DOCK7: variants seen among roughly 807,000 people sequenced by gnomAD.
The protein encoded by DOCK7 is dedicator of cytokinesis 7.
In DOCK7, 138 loss-of-function variants were observed where a neutral mutation model predicts 271.0. The ratio of observed to expected loss-of-function variants is 0.51; its 90% CI spans 0.44 to 0.59. The LOEUF is 0.59. DOCK7 is among the 20% of genes least tolerant of loss of function. DOCK7 has a pLI of 0.00. For missense variants in DOCK7, 2,066 were observed against 2,592.4 expected, an observed-to-expected ratio of 0.80 and a Z score of 4.41; for synonymous variants, 823 against 876.1, an observed-to-expected ratio of 0.94 and a Z score of 1.07.
intron 14 of DOCK7, among the ~76,000 whole-genome samples, chr1:62,612,813 C>T (rs1476067918): frequency 6.6e-6 from 1 of 152,108 alleles, no homozygotes; most frequent in East Asian, 1.9e-4. Context: ...TAGTAACGCA[C>T]CATGTTTGCT....
At chr1:62,488,905 A>C in intron 42 of DOCK7, 29 bp downstream of exon 42, 1 of 1,613,028 alleles carries the variant, frequency 6.2e-7, no homozygotes, top group South Asian at 1.1e-5. Flanking sequence ...TTTTCCCTTT[A>C]TAGTGAAGCT....
At chr1:62,528,392 AAC>A in intron 30 of DOCK7, 87 bp from the exon 31 acceptor site, 2 of 1,275,520 alleles carry the variant, frequency 1.6e-6, no homozygotes, top group Non-Finnish European at 2.1e-6. Flanking sequence ...TTAAAAGAAT[AAC>A]TTGTTGACAT....
chr1:62,520,326 G>A (rs191912597), intron 31 of DOCK7, among the ~76,000 whole-genome samples: 92 of 152,238 alleles, frequency 6.0e-4, no homozygotes, highest in African/African-American at 2.1e-3. Flanking sequence ...CCTATAGAAT[G>A]GGAGAAAAAT....
intron 7 of DOCK7, chr1:62,641,301 G>A: frequency 2.4e-6 from 1 of 415,874 alleles, no homozygotes; most frequent in Non-Finnish European, 4.7e-6. Flanking sequence ...CCAACACCAT[G>A]AGCCAGGAGC....
intron 18 of DOCK7, among the ~76,000 whole-genome samples, chr1:62,568,838 C>T (rs878979562): frequency 6.7e-6 from 1 of 150,054 alleles, no homozygotes; most frequent in African/African-American, 2.5e-5. Flanking sequence ...ATAAAATAGA[C>T]TGCTAGCTAG....
At chr1:62,593,503 G>A (rs1648766843) in intron 14 of DOCK7, among the ~76,000 whole-genome samples, 1 of 152,134 alleles carries the variant, frequency 6.6e-6, no homozygotes, top group Non-Finnish European at 1.5e-5. Context: ...CCAGGAGGGG[G>A]AAGTTGCAGT....
chr1:62,524,953 A>ATATATATATATATATG (rs1325570197), intron 31 of DOCK7, among the ~76,000 whole-genome samples: 1 of 119,420 alleles, frequency 8.4e-6, no homozygotes, highest in Admixed American at 9.0e-5. Flanking sequence ...ATATATATAT[A>ATATATATATATATATG]TATTACTATA....
intron 20 of DOCK7, among the ~76,000 whole-genome samples, chr1:62,558,401 TTC>T (rs1162128371): frequency 6.6e-6 from 1 of 152,198 alleles, no homozygotes; most frequent in Non-Finnish European, 1.5e-5. Context: ...TAGCTGAAAT[TTC>T]TTTCAAGTTC....
chr1:62,553,354 ATTTTTTTTTTTTT>A (rs1159680880), intron 21 of DOCK7, among the ~76,000 whole-genome samples: 329 of 16,982 alleles, frequency 0.019, 1 homozygote, highest in Middle Eastern at 0.067. Flanking sequence ...ATATATATAT[ATTTTTTTTTTTTT>A]TTTTTTTTTT....
At chr1:62,623,190 T>C (rs188975071) in intron 12 of DOCK7, among the ~76,000 whole-genome samples, 3 of 152,294 alleles carry the variant, frequency 2.0e-5, no homozygotes, top group Admixed American at 2.0e-4. Context: ...TAGGGAAAAA[T>C]CTGTGCCTTG....
At chr1:62,663,845 A>G (rs1280400853) in intron 1 of DOCK7, among the ~76,000 whole-genome samples, 7 of 152,238 alleles carry the variant, frequency 4.6e-5, no homozygotes, top group Non-Finnish European at 1.0e-4. Flanking sequence ...AATTAGCTCA[A>G]CCTTTTTCAA....
intron 43 of DOCK7, chr1:62,479,702 G>A (rs1184090229): frequency 4.8e-5 from 17 of 353,060 alleles, no homozygotes; most frequent in Admixed American, 8.4e-5. Flanking sequence ...TAGTTTTTTT[G>A]AGACAGGGTC....
At chr1:62,614,414 TA>T (rs1652191113) in intron 14 of DOCK7, among the ~76,000 whole-genome samples, 1 of 152,006 alleles carries the variant, frequency 6.6e-6, no homozygotes, top group Non-Finnish European at 1.5e-5. Context: ...TCAAATAGAA[TA>T]AACAACTTTT....
intron 28 of DOCK7, among the ~76,000 whole-genome samples, chr1:62,537,241 A>T (rs1169419254): frequency 6.6e-6 from 1 of 152,182 alleles, no homozygotes; most frequent in Non-Finnish European, 1.5e-5. Flanking sequence ...AGGTGAATTC[A>T]TTCACATGTG....
In DOCK7 at chr1:62,619,861, T is replaced by C. The variant is rs1473608824; in HGVS notation, c.1519+39A>G. ...AAGCAATACAACATAGTAGTGATAA[T>C]AATAGTTGCAACCATTTCTACTCAA... On this transcript the variant is annotated intron_variant, in intron 13 of 49. Transcript: ENST00000635253. The C allele has an allele frequency of 5.3e-6, 7 of 1,310,776 alleles. No individual in the cohort carries two copies. The African/African-American group carries it at 1.0e-4, about 19-fold the overall frequency. The allele number at this position is 1,310,776 out of a possible 1,614,324, so 81.2% of individuals were successfully genotyped here. A position where few individuals can be genotyped will look rare whatever the true frequency, so the allele number is the denominator to read the frequency against.
At position 62,659,526 on chromosome 1, in the gene DOCK7, A is replaced by G. The variant is rs576793059; in HGVS notation, c.144+3499T>C. ...GAGAATAAACAAAAAATAAAATGGT[A>G]GATTTAAACCCTAACAGAGTAACAA... is the stretch of plus-strand genomic sequence containing the variant. On this transcript the variant is annotated intron_variant, in intron 2 of 49. Transcript: ENST00000635253. Among the ~76,000 whole-genome samples, 84 of 152,306 alleles carry G rather than the reference A, an allele frequency of 5.5e-4. 2 individuals carry two copies. Among genetic ancestry groups the G allele is most frequent in the African/African-American group, 1.9e-3 (77 of 41,590 alleles).
chr1:62,457,674 A>G lies in DOCK7; in HGVS notation c.6244T>C (p.Leu2082=). The G allele has an allele frequency of 1.9e-6, 3 of 1,613,682 alleles. No homozygotes were observed. Among genetic ancestry groups the G allele is most frequent in the Middle Eastern group, 1.6e-4 (1 of 6,062 alleles). The change falls in exon 49 of 50, where the codon TTA becomes CTA. Residue 2082 remains leucine (L), a synonymous_variant. Transcript: ENST00000635253. ...TACTCCTTTTGATCCGGCCCAATTA[A>G]GCTCTTATTTTTTCTTAAGGCATCT... is the stretch of plus-strand genomic sequence containing the variant. The part of the protein sequence containing the change: ...CEDALRKNKS[L]IGPDQKEYQR...
At chr1:62,507,026 C>G (rs1186451066) in intron 35 of DOCK7, among the ~76,000 whole-genome samples, 1 of 151,656 alleles carries the variant, frequency 6.6e-6, no homozygotes, top group Non-Finnish European at 1.5e-5. Flanking sequence ...CTAGGCTGGT[C>G]TTGAACTCCT....
At chr1:62,456,154 G>T (rs1317131506) in intron 49 of DOCK7, among the ~76,000 whole-genome samples, 1 of 152,080 alleles carries the variant, frequency 6.6e-6, no homozygotes, top group Non-Finnish European at 1.5e-5. Context: ...GTGAGAAAAG[G>T]CCAATATTTG....
Sources: allele counts gnomAD v4.1 joint callset (sites outside exome capture counted in the v4.1 genomes callset), GRCh38; gene constraint gnomAD v4.1.1; transcripts MANE v1.5; gene names NCBI Gene and HGNC (gene_info 2026-07-23, HGNC 2026-07-21).